The following JRK variants were observed in gnomAD, a reference collection of about 807,000 sequenced individuals.
The protein encoded by JRK is jerky protein homolog.
For missense variants in JRK, 720 were observed against 509.2 expected, an observed-to-expected ratio of 1.41 and a Z score of -3.98; for synonymous variants, 303 against 218.1, an observed-to-expected ratio of 1.39 and a Z score of -3.43.
chr8:142,669,686 G>A (rs1401299829), intron 1 of JRK, among the ~76,000 whole-genome samples: 14 of 151,412 alleles, frequency 9.2e-5, no homozygotes, highest in Admixed American at 6.6e-5. Flanking sequence ...GCGCGCTCAG[G>A]CCGCGGGGGT....
the JRK span, among the ~76,000 whole-genome samples, chr8:142,644,112 G>C: frequency 1.3e-5 from 2 of 152,058 alleles, no homozygotes; most frequent in African/African-American, 4.8e-5. Context: ...CATAGGTCCT[G>C]AAAGTTTTCC....
Position 142,664,772 on chromosome 8 carries a change from C to T in JRK, c.1287G>A (p.Pro429=), listed in dbSNP as rs369974690. 28 of 1,589,176 alleles carry T rather than the reference C, an allele frequency of 1.8e-5. No individual in the cohort carries two copies. The highest frequency in any genetic ancestry group is 5.4e-5 in the African/African-American group (4 of 74,362). Reference sequence around the variant, plus strand: ...CGGCCTGGCGCTGGCGAAGCTGGCCCGGGCAGGAGGAGCCTTCCTTCACAA... The same window carrying T: ...CGGCCTGGCGCTGGCGAAGCTGGCCTGGGCAGGAGGAGCCTTCCTTCACAA... ...LELVKEGSSC[P]GQLRQRQAAS... is the part of the protein sequence containing the mutation. The change falls in exon 2 of 2, where the codon CCG becomes CCA. Residue 429 remains proline (P), a synonymous_variant. Coordinates refer to ENST00000612905, the MANE Select transcript of JRK (RefSeq NM_003724.4).
chr8:142,661,567 T>A lies in JRK; in HGVS notation c.*2785A>T, dbSNP rs1846916965. The A allele has an allele frequency of 1.0e-6, 1 of 985,508 alleles. No individual in the cohort carries two copies. Among genetic ancestry groups the A allele is most frequent in the African/African-American group, 1.7e-5 (1 of 57,356 alleles). 61.0% of individuals were successfully genotyped at this position (985,508 alleles called of 1,614,324 possible). A position where few individuals can be genotyped will look rare whatever the true frequency, so the allele number is the denominator to read the frequency against. On this transcript the variant is annotated 3_prime_UTR_variant, in exon 2 of 2. Transcript: ENST00000612905. ...GCCACTGGAAAACTGAGGCTGCAAC[T>A]TGCAGGGGCACTGTGAGAAGACAGG...
Position 142,658,988 on chromosome 8 carries a change from T to G in JRK, c.*5364A>C, listed in dbSNP as rs1846829755. The G allele has an allele frequency of 3.1e-6, 5 of 1,595,986 alleles. No individual in the cohort carries two copies. The highest frequency in any genetic ancestry group is 4.3e-6 in the Non-Finnish European group (5 of 1,170,822). ...GCTGCTTCATGGAGGAGCGTCAGTATGTCCACACCATAGGGGTGTAGTCAC... is the reference window on the plus strand; with the variant it reads ...GCTGCTTCATGGAGGAGCGTCAGTAGGTCCACACCATAGGGGTGTAGTCAC... On this transcript the variant is annotated 3_prime_UTR_variant, in exon 2 of 2. Transcript: ENST00000612905.
At chr8:142,646,099 T>A in the JRK span, among the ~76,000 whole-genome samples, 6 of 152,224 alleles carry the variant, frequency 3.9e-5, no homozygotes, top group African/African-American at 1.2e-4. Flanking sequence ...TGAGTTTGCC[T>A]ACAAGTATTT....
rs1847086415 is a variant in JRK, at chr8:142,665,469, G to A, written c.590C>T (p.Pro197Leu). 1.4e-6 allele frequency: 1 copy of A among 717,988 alleles called. No individual in the cohort carries two copies. The highest frequency in any genetic ancestry group is 2.0e-5 in the Admixed American group (1 of 50,026). The allele number at this position is 717,988 out of a possible 1,614,324, so 44.5% of individuals were successfully genotyped here. ...AGCCCCGCCTTCCGGAGTGGGATTT[G>A]GCAGGCACCGCCAGAAAAGGCCGGT... ...DETGLFWRCL[P>L]NPTPEGGAVP... The change falls in exon 2 of 2, where the codon CCA (proline) becomes CTA (leucine). Residue 197 changes from proline to leucine, a missense_variant. Coordinates refer to ENST00000612905, the MANE Select transcript of JRK (RefSeq NM_003724.4).
Position 142,664,415 on chromosome 8 carries a change from A to AG in JRK, c.1643dup (p.Gly549TrpfsTer19). 2 of 1,603,208 alleles carry AG rather than the reference A, an allele frequency of 1.2e-6. No homozygotes were observed. The highest frequency in any genetic ancestry group is 2.2e-5 in the South Asian group (2 of 90,402). ...ACTGAGCTGTGGCCCCACAGCCACC[A>AG]GGGCCCTCCTGGAGGGCTTCAACCT... On this transcript the variant is annotated frameshift_variant, in exon 2 of 2. Coordinates refer to ENST00000612905, the MANE Select transcript of JRK (RefSeq NM_003724.4). LOFTEE classifies it low-confidence loss of function (END_TRUNC).
chr8:142,650,567 T>C, the JRK span, among the ~76,000 whole-genome samples: 1 of 152,230 alleles, frequency 6.6e-6, no homozygotes, highest in Non-Finnish European at 1.5e-5. Flanking sequence ...AGAGATCTGA[T>C]GGTTTTAAAG....
chr8:142,655,823 C>T (rs1260055308), downstream of JRK, among the ~76,000 whole-genome samples: 2 of 152,114 alleles, frequency 1.3e-5, no homozygotes, highest in Non-Finnish European at 2.9e-5. Context: ...TCCAATGTAG[C>T]GTTTTAATTT....
rs996253129 is a variant in JRK, at chr8:142,661,269, C to T, written c.*3083G>A. On this transcript the variant is annotated 3_prime_UTR_variant, in exon 2 of 2. Transcript: ENST00000612905. ...CAGGTGTTCTGTAAACCAACCCCAA[C>T]GTAGAAGGGGCTGAAAGACCACCTA... The T allele has an allele frequency of 8.1e-6, 8 of 985,354 alleles. No individual in the cohort carries two copies. Among genetic ancestry groups the T allele is most frequent in the African/African-American group, 3.5e-5 (2 of 57,222 alleles). The allele number at this position is 985,354 out of a possible 1,614,324, so 61.0% of individuals were successfully genotyped here.
In JRK at chr8:142,660,910, T is replaced by G; in HGVS notation, c.*3442A>C. On this transcript the variant is annotated 3_prime_UTR_variant, in exon 2 of 2. Coordinates refer to ENST00000612905, the MANE Select transcript of JRK (RefSeq NM_003724.4). ...GACCCTGAACCTCCTCCAAATGGAC[T>G]TTAACTGGGGACAACTGATGACAGT... 1.0e-6 allele frequency: 1 copy of G among 985,508 alleles called. No homozygotes were observed. The highest frequency in any genetic ancestry group is 1.2e-6 in the Non-Finnish European group (1 of 830,014). 61.0% of individuals were successfully genotyped at this position (985,508 alleles called of 1,614,324 possible).
At position 142,660,787 on chromosome 8, in the gene JRK, T is replaced by G; in HGVS notation, c.*3565A>C. ...GTCTTGATTTGTCCCAAGTTGTCGC[T>G]GCCCTGTGCCACAGCCTCCCAAGAA... On this transcript the variant is annotated 3_prime_UTR_variant, in exon 2 of 2. Coordinates refer to ENST00000612905, the MANE Select transcript of JRK (RefSeq NM_003724.4). The G allele has an allele frequency of 1.0e-6, 1 of 985,454 alleles. No individual in the cohort carries two copies. Among genetic ancestry groups the G allele is most frequent in the Non-Finnish European group, 1.2e-6 (1 of 829,988 alleles). 61.0% of individuals were successfully genotyped at this position (985,454 alleles called of 1,614,324 possible).
the JRK span, among the ~76,000 whole-genome samples, chr8:142,648,013 A>G: frequency 6.6e-6 from 1 of 152,226 alleles, no homozygotes; most frequent in Non-Finnish European, 1.5e-5. Context: ...TTTAGCAAAG[A>G]GACTGGTGGC....
rs1271578274 is a variant in JRK at position 142,661,891 on chromosome 8, G to A, written c.*2461C>T. The stretch of plus-strand genomic sequence containing the variant: ...GAGGACACGGCAGTCTCCATAAAGC[G>A]TTCTGGGGGACAGGACCGAGGCAAG... On this transcript the variant is annotated 3_prime_UTR_variant, in exon 2 of 2. Transcript: ENST00000612905. 2.2e-5 allele frequency: 22 copies of A among 985,432 alleles called. No homozygotes were observed. Among genetic ancestry groups the A allele is most frequent in the East Asian group, 1.1e-4 (1 of 8,830 alleles). 61.0% of individuals were successfully genotyped at this position (985,432 alleles called of 1,614,324 possible).
rs1353164302 is a variant in JRK, at chr8:142,659,836, C to A, written c.*4516G>T. 3.0e-6 allele frequency: 3 copies of A among 985,502 alleles called. No individual in the cohort carries two copies. Among genetic ancestry groups the A allele is most frequent in the Admixed American group, 1.2e-4 (2 of 16,272 alleles). The allele number at this position is 985,502 out of a possible 1,614,324, so 61.0% of individuals were successfully genotyped here. On this transcript the variant is annotated 3_prime_UTR_variant, in exon 2 of 2. Coordinates refer to ENST00000612905, the MANE Select transcript of JRK (RefSeq NM_003724.4). ...CTGGGTCTCCCTCTGCCCTCAGCAA[C>A]TTCACACCTGCCCCTCCCTGGGCCC...
chr8:142,669,185 T>TGTGTGTGTGTGTGTGC (rs782784077), intron 1 of JRK, among the ~76,000 whole-genome samples: 2 of 122,550 alleles, frequency 1.6e-5, no homozygotes, highest in Non-Finnish European at 3.5e-5. Context: ...TGTGTGTGTG[T>TGTGTGTGTGTGTGTGC]GTGTGTGTGT....
intron 1 of JRK, among the ~76,000 whole-genome samples, chr8:142,669,181 T>TGTGTGTGTGTGTGTGTGTGTGC (rs1563800078): frequency 8.3e-6 from 1 of 121,202 alleles, no homozygotes; most frequent in Non-Finnish European, 1.8e-5. Flanking sequence ...TGTGTGTGTG[T>TGTGTGTGTGTGTGTGTGTGTGC]GTGTGTGTGT....
chr8:142,658,924 ATCC>A lies in JRK; in HGVS notation c.*5425_*5427del. The A allele has an allele frequency of 1.2e-6, 2 of 1,613,466 alleles. No homozygotes were observed. The highest frequency in any genetic ancestry group is 1.7e-6 in the Non-Finnish European group (2 of 1,179,716). On this transcript the variant is annotated 3_prime_UTR_variant, in exon 2 of 2. Transcript: ENST00000612905. ...ACTCCTCTGGTGAGGTCACTACCAC[ATCC>A]TCAAGGCCCACAGTCTCCTGAAACA... is the stretch of plus-strand genomic sequence containing the variant.
At chr8:142,666,638 C>T (rs1284144702) in intron 1 of JRK, 118 bp from the exon 2 acceptor site, 1 of 182,768 alleles carries the variant, frequency 5.5e-6, no homozygotes, top group Non-Finnish European at 1.2e-5. Flanking sequence ...GTTGAGAGGA[C>T]CCATGCAAGT....
Sources: allele counts gnomAD v4.1 joint callset (sites outside exome capture counted in the v4.1 genomes callset), GRCh38; gene constraint gnomAD v4.1.1; transcripts MANE v1.5; gene names NCBI Gene and HGNC (gene_info 2026-07-23, HGNC 2026-07-21).